COG3: variants seen among roughly 807,000 people sequenced by gnomAD.
COG3 encodes the protein component of oligomeric golgi complex 3.
In COG3, 32 loss-of-function variants were observed where a neutral mutation model predicts 114.1. The ratio of observed to expected loss-of-function variants is 0.28; its 90% CI spans 0.21 to 0.38. COG3 has a LOEUF of 0.38. COG3 is among the 10% of genes least tolerant of loss of function. The probability of loss-of-function intolerance (pLI) is 1.00; values close to 1 mark genes in which losing one functional copy is unlikely to be tolerated. For missense variants in COG3, 813 were observed against 973.2 expected (o/e 0.84, Z 2.19); for synonymous variants, 352 against 365.7 (o/e 0.96, Z 0.43).
intron 20 of COG3, among the ~76,000 whole-genome samples, chr13:45,527,205 G>C (rs1168357033): frequency 6.6e-6 from 1 of 152,182 alleles, no homozygotes; most frequent in Non-Finnish European, 1.5e-5. Flanking sequence ...TAGATGTATT[G>C]TGCTCTTAAG....
At chr13:45,510,311 T>G (rs1346492564) in intron 15 of COG3, among the ~76,000 whole-genome samples, 1 of 152,210 alleles carries the variant, frequency 6.6e-6, no homozygotes, top group Non-Finnish European at 1.5e-5. Flanking sequence ...GGCTTTGTGC[T>G]TATAGATTTT....
intron 11 of COG3, 36 bp from the exon 12 acceptor site, chr13:45,493,311 C>T (rs1226672201): frequency 6.5e-7 from 1 of 1,532,232 alleles, no homozygotes; most frequent in Admixed American, 2.0e-5. Flanking sequence ...CCTGAAAAAA[C>T]TACTACTAAT....
chr13:45,502,306 G>A (rs1430220656), intron 13 of COG3, among the ~76,000 whole-genome samples: 4 of 152,202 alleles, frequency 2.6e-5, no homozygotes, highest in Non-Finnish European at 5.9e-5. Context: ...CTGATAGGAT[G>A]TTAGGTGATA....
At chr13:45,497,191 C>T (rs528442743) in intron 13 of COG3, among the ~76,000 whole-genome samples, 124 of 152,270 alleles carry the variant, frequency 8.1e-4, no homozygotes, top group African/African-American at 2.7e-3. Flanking sequence ...AAAATTATAC[C>T]GTACAAGTGT....
chr13:45,512,298 A>T (rs773984953), intron 16 of COG3, among the ~76,000 whole-genome samples: 3 of 152,144 alleles, frequency 2.0e-5, no homozygotes, highest in Non-Finnish European at 4.4e-5. Flanking sequence ...GGGTTGTGTG[A>T]CTAGAAGGAG....
intron 13 of COG3, among the ~76,000 whole-genome samples, chr13:45,502,436 G>A (rs1304524499): frequency 2.6e-5 from 4 of 152,106 alleles, no homozygotes; most frequent in Non-Finnish European, 5.9e-5. Flanking sequence ...TGGCTTAAGG[G>A]TAACCACTTG....
At chr13:45,500,401 C>T (rs924903599) in intron 13 of COG3, among the ~76,000 whole-genome samples, 1 of 152,082 alleles carries the variant, frequency 6.6e-6, no homozygotes, top group African/African-American at 2.4e-5. Context: ...CTAAGTGTAT[C>T]CTGTATTCAT....
chr13:45,522,524 A>C (rs1280636338), intron 19 of COG3, among the ~76,000 whole-genome samples: 1 of 152,120 alleles, frequency 6.6e-6, no homozygotes, highest in Admixed American at 6.5e-5. Context: ...CAGGTTGAGA[A>C]ATGGGTTGAG....
intron 1 of COG3, among the ~76,000 whole-genome samples, chr13:45,467,540 C>G (rs771640485): frequency 6.6e-6 from 1 of 152,180 alleles, no homozygotes; most frequent in Non-Finnish European, 1.5e-5. Context: ...TGCCCTGAGC[C>G]GAGATTGCAC....
intron 20 of COG3, among the ~76,000 whole-genome samples, chr13:45,528,736 A>C (rs142000497): frequency 6.6e-6 from 1 of 152,260 alleles, no homozygotes; most frequent in Non-Finnish European, 1.5e-5. Flanking sequence ...ATCCAACTTG[A>C]TCCATTCTAT....
chr13:45,526,232 C>A (rs961948052), intron 20 of COG3, among the ~76,000 whole-genome samples: 4 of 151,292 alleles, frequency 2.6e-5, no homozygotes, highest in Non-Finnish European at 5.9e-5. Flanking sequence ...ATTACAGGCA[C>A]CTGCCACCAT....
At chr13:45,509,886 C>CT in intron 15 of COG3, 70 bp downstream of exon 15, 1 of 1,389,294 alleles carries the variant, frequency 7.2e-7, no homozygotes. Context: ...ATTTTAAGAT[C>CT]TTGATAAAGT....
At position 45,474,151 on chromosome 13, in the gene COG3, C is replaced by CTTTT. The variant is rs10558884; in HGVS notation, c.175-2029_175-2026dup. ...CCACATCTTTGTTTTCTTTTTTACTCTTTTTTTTTTTTTTTTTTTTTTTTG... is the reference window on the plus strand; with the variant it reads ...CCACATCTTTGTTTTCTTTTTTACTCTTTTTTTTTTTTTTTTTTTTTTTTTTTTG... On this transcript the variant is annotated intron_variant, in intron 1 of 22. Transcript: ENST00000349995. 5.1e-3 allele frequency among the ~76,000 whole-genome samples: 418 copies of CTTTT among 81,944 alleles called. 17 individuals carry two copies. Among genetic ancestry groups the CTTTT allele is most frequent in the African/African-American group, 0.014 (276 of 20,182 alleles). The allele number at this position is 81,944 out of a possible 152,430, so 53.8% of individuals were successfully genotyped here.
At position 45,509,812 on chromosome 13, in the gene COG3, T is replaced by C. The variant is rs376103781; in HGVS notation, c.1715T>C (p.Ile572Thr). 19 of 1,608,796 alleles carry C rather than the reference T, an allele frequency of 1.2e-5. No homozygotes were observed. In the African/African-American group the frequency reaches 2.5e-4, roughly 21 times the overall value. The change falls in exon 15 of 23, where the codon ATA becomes ACA. Residue 572 changes from isoleucine to threonine, a missense_variant. Around this residue, in one of 2 missense-constraint regions of COG3, gnomAD observed 389 missense variants for 542.6 expected, o/e 0.72. Coordinates refer to ENST00000349995, the MANE Select transcript of COG3 (RefSeq NM_031431.4). ...TGTCTCTCCAAATTATACAGATGCATAGATGTACGTGTATCTTTACTGTGA... is the reference window on the plus strand; with the variant it reads ...TGTCTCTCCAAATTATACAGATGCACAGATGTACGTGTATCTTTACTGTGA... ...LVCLSKLYRC[I>T]DRAVFQGLSQ...
intron 1 of COG3, among the ~76,000 whole-genome samples, chr13:45,468,897 G>A (rs1046689713): frequency 6.6e-6 from 1 of 152,226 alleles, no homozygotes; most frequent in African/African-American, 2.4e-5. Context: ...ACAGGAAAGT[G>A]TGTGATACCA....
rs1593732016 is a variant in COG3, at chr13:45,511,770, A to G, written c.1725A>G (p.Ala575=). ...LSKLYRCIDR[A]VFQGLSQEAL... is the part of the protein sequence containing the mutation. ...ATTCTCTTTTATTCCACCAGAGGGC[A>G]GTGTTCCAAGGATTATCACAGGAAG... The change falls in exon 16 of 23, where the codon GCA becomes GCG. Residue 575 remains alanine (A), a synonymous_variant. Coordinates refer to ENST00000349995, the MANE Select transcript of COG3 (RefSeq NM_031431.4). The G allele has an allele frequency of 6.2e-7, 1 of 1,612,450 alleles. No individual in the cohort carries two copies. Among genetic ancestry groups the G allele is most frequent in the Non-Finnish European group, 8.5e-7 (1 of 1,178,566 alleles).
chr13:45,533,419 A>G (rs2137938142), intron 22 of COG3, among the ~76,000 whole-genome samples: 1 of 152,082 alleles, frequency 6.6e-6, no homozygotes, highest in Non-Finnish European at 1.5e-5. Context: ...CATTTGCTTC[A>G]TTTTTCTCAT....
intron 16 of COG3, among the ~76,000 whole-genome samples, chr13:45,514,087 G>A (rs1871262887): frequency 1.3e-5 from 2 of 151,602 alleles, no homozygotes; most frequent in Non-Finnish European, 2.9e-5. Context: ...CAGATCTCAG[G>A]AGGGAAAAAT....
rs750973446 is a variant in COG3, at chr13:45,490,881, A to G, written c.925-34A>G. 4 of 1,370,904 alleles carry G rather than the reference A, an allele frequency of 2.9e-6. No individual in the cohort carries two copies. In the African/African-American group the frequency reaches 5.8e-5, roughly 20 times the overall value. The allele number at this position is 1,370,904 out of a possible 1,614,324, so 84.9% of individuals were successfully genotyped here. ...GAAAGTAATGGATAATATAACAGAG[A>G]TGGTTTTTTGATGCATTTTTTCTTA... On this transcript the variant is annotated intron_variant, in intron 8 of 22. Transcript: ENST00000349995.
Sources: gnomAD v4.1 joint callset for allele counts (sites outside exome capture counted in the v4.1 genomes callset) on GRCh38, gnomAD v4.1.1 for gene constraint, gnomAD v4.1.1 regional missense constraint, MANE v1.5 for transcripts, NCBI Gene and HGNC (gene_info 2026-07-23, HGNC 2026-07-21) for gene names.